ATP11B: variants seen among roughly 807,000 people sequenced by gnomAD.
ATP11B encodes ATPase phospholipid transporting 11B (putative).
In ATP11B, 81 loss-of-function variants were observed where a neutral mutation model predicts 157.8. The observed-to-expected ratio is 0.51, with a 90% confidence interval of 0.43 to 0.62. ATP11B has a LOEUF of 0.62. Among genes scored for constraint, ATP11B ranks in the 20% least tolerant of loss-of-function variants. The probability of loss-of-function intolerance (pLI) is 0.00; values close to 1 mark genes in which losing one functional copy is unlikely to be tolerated. For missense variants in ATP11B, 1,165 were observed against 1,402.2 expected (o/e 0.83, Z 2.70); for synonymous variants, 451 against 469.4 (o/e 0.96, Z 0.51).
intron 21 of ATP11B, among the ~76,000 whole-genome samples, chr3:182,883,261 C>G (rs1308199977): frequency 1.4e-5 from 2 of 144,934 alleles, no homozygotes; most frequent in Non-Finnish European, 3.1e-5. Flanking sequence ...TAAAACAATC[C>G]TTTTTTTTTT....
intron 2 of ATP11B, among the ~76,000 whole-genome samples, chr3:182,825,827 GA>G (rs1326248202): frequency 1.3e-5 from 2 of 152,104 alleles, no homozygotes; most frequent in Non-Finnish European, 2.9e-5. Flanking sequence ...TTGAACTCAG[GA>G]GGCGGAGGTT....
chr3:182,913,982 C>A lies in ATP11B; in HGVS notation c.3440C>A (p.Thr1147Asn). The A allele has an allele frequency of 6.2e-7, 1 of 1,614,016 alleles. No homozygotes were observed. The highest frequency in any genetic ancestry group is 1.1e-5 in the South Asian group (1 of 91,090). Residue 1147 changes from threonine to asparagine, a missense_variant, in exon 29 of 30, where the codon ACC becomes AAC. Physicochemically the swap from Thr to Asn is moderately conservative, Grantham distance 65 (BLOSUM62 0). Around this residue, in one of 4 missense-constraint regions of ATP11B, gnomAD observed 303 missense variants for 296.3 expected, o/e 1.02. Coordinates refer to ENST00000323116, the MANE Select transcript of ATP11B (RefSeq NM_014616.3). ...LERVIGRCSP[T>N]HISRSWSASD... ...CGAGTTATAGGAAGATGTAGTCCAA[C>A]CCACATCAGCAGGTGTGAAATCTCT...
chr3:182,873,268 A>G (rs1192447929), intron 18 of ATP11B, among the ~76,000 whole-genome samples: 2 of 152,130 alleles, frequency 1.3e-5, no homozygotes, highest in Non-Finnish European at 2.9e-5. Context: ...TCTGCAGATT[A>G]AGTTTGTTGT....
At chr3:182,892,229 G>A (rs938638166) in intron 25 of ATP11B, among the ~76,000 whole-genome samples, 5 of 152,114 alleles carry the variant, frequency 3.3e-5, no homozygotes, top group Admixed American at 2.6e-4. Flanking sequence ...CCTATTCTTC[G>A]CAGTTGAGCC....
Position 182,827,607 on chromosome 3 carries a change from G to A in ATP11B, c.145-513G>A, listed in dbSNP as rs975360726. 1.6e-4 allele frequency among the ~76,000 whole-genome samples: 24 copies of A among 151,326 alleles called. No individual in the cohort carries two copies. In the East Asian group the frequency reaches 3.9e-3, roughly 24 times the overall value. On this transcript the variant is annotated intron_variant, in intron 2 of 29. Coordinates refer to ENST00000323116, the MANE Select transcript of ATP11B (RefSeq NM_014616.3). Reference sequence around the variant, plus strand: ...ATGAAATTTTCTTGGTGGTTATCGCGGCGATCACTTATCTAAAGCATTTCT... The same window carrying A: ...ATGAAATTTTCTTGGTGGTTATCGCAGCGATCACTTATCTAAAGCATTTCT...
intron 23 of ATP11B, 44 bp from the exon 24 acceptor site, chr3:182,887,542 G>T: frequency 6.4e-7 from 1 of 1,569,452 alleles, no homozygotes; most frequent in Non-Finnish European, 8.6e-7. Context: ...TAATAGTAAT[G>T]CATAATTCAG....
At chr3:182,905,996 A>G (rs1421621288) in intron 28 of ATP11B, 1 of 372,844 alleles carries the variant, frequency 2.7e-6, no homozygotes, top group African/African-American at 2.1e-5. Context: ...GGGACACCTG[A>G]CCTGACATTT....
chr3:182,837,981 T>TA (rs1718682924), intron 7 of ATP11B, among the ~76,000 whole-genome samples: 1 of 152,118 alleles, frequency 6.6e-6, no homozygotes, highest in Non-Finnish European at 1.5e-5. Context: ...TGGTAGACTA[T>TA]AAATTACAGC....
At position 182,884,882 on chromosome 3, in the gene ATP11B, A is replaced by T; in HGVS notation, c.2639A>T (p.Gln880Leu). The T allele has an allele frequency of 6.9e-7, 1 of 1,448,600 alleles. No individual in the cohort carries two copies. Among genetic ancestry groups the T allele is most frequent in the Non-Finnish European group, 9.4e-7 (1 of 1,066,550 alleles). The allele number at this position is 1,448,600 out of a possible 1,614,324, so 89.7% of individuals were successfully genotyped here. The change falls in exon 22 of 30, where the codon CAG (glutamine) becomes CTG (leucine). Residue 880 changes from glutamine to leucine, a missense_variant. Physicochemically the swap from Gln to Leu is moderately radical, Grantham distance 113. Around this residue, in one of 4 missense-constraint regions of ATP11B, gnomAD observed 737 missense variants for 930.5 expected, o/e 0.79. Coordinates refer to ENST00000323116, the MANE Select transcript of ATP11B (RefSeq NM_014616.3). ...FYYIRIATLV[Q>L]YFFYKNVCFI... ...TATATTAGAATAGCTACCCTTGTAC[A>T]GTATTTTTTTTATAAGGTGAGTTTC...
intron 17 of ATP11B, among the ~76,000 whole-genome samples, chr3:182,871,864 G>T (rs1362578541): frequency 6.6e-6 from 1 of 151,446 alleles, no homozygotes; most frequent in African/African-American, 2.4e-5. Context: ...CGCCCAGGCT[G>T]GAGTGCAGTG....
chr3:182,818,236 G>A (rs1717086335), intron 1 of ATP11B, among the ~76,000 whole-genome samples: 1 of 152,150 alleles, frequency 6.6e-6, no homozygotes, highest in African/African-American at 2.4e-5. Context: ...CCTGTTTATA[G>A]GTAAACTTCC....
At chr3:182,890,488 G>A (rs1723103576) in intron 25 of ATP11B, among the ~76,000 whole-genome samples, 1 of 152,118 alleles carries the variant, frequency 6.6e-6, no homozygotes, top group Admixed American at 6.5e-5. Context: ...AAAGGATACA[G>A]AAAATGAGCA....
At chr3:182,806,968 C>T (rs1177237276) in intron 1 of ATP11B, among the ~76,000 whole-genome samples, 1 of 151,966 alleles carries the variant, frequency 6.6e-6, no homozygotes, top group African/African-American at 2.4e-5. Flanking sequence ...TATTTCCACA[C>T]TGAGAGTCCC....
intron 1 of ATP11B, among the ~76,000 whole-genome samples, chr3:182,809,319 G>A (rs756171137): frequency 2.0e-5 from 3 of 151,762 alleles, no homozygotes; most frequent in Non-Finnish European, 2.9e-5. Flanking sequence ...TGCCATCTCC[G>A]CCTACTGCAA....
chr3:182,795,840 A>C (rs1560048719), intron 1 of ATP11B, among the ~76,000 whole-genome samples: 1 of 152,236 alleles, frequency 6.6e-6, no homozygotes, highest in Non-Finnish European at 1.5e-5. Flanking sequence ...GCTAGTTTAG[A>C]TTATACTTCC....
At chr3:182,849,538 T>A (rs1044919565) in intron 10 of ATP11B, among the ~76,000 whole-genome samples, 1 of 152,162 alleles carries the variant, frequency 6.6e-6, no homozygotes, top group Non-Finnish European at 1.5e-5. Flanking sequence ...TTTAAGGGCC[T>A]AAAGGAAAAT....
intron 7 of ATP11B, among the ~76,000 whole-genome samples, chr3:182,839,600 A>T (rs1333598165): frequency 2.5e-5 from 1 of 39,284 alleles, no homozygotes; most frequent in Non-Finnish European, 7.1e-5. Context: ...TCCATTTTTT[A>T]AATATTTATT....
intron 2 of ATP11B, among the ~76,000 whole-genome samples, chr3:182,822,852 A>G (rs888933673): frequency 2.0e-5 from 3 of 152,090 alleles, no homozygotes; most frequent in African/African-American, 4.8e-5. Flanking sequence ...TTTGATTTGC[A>G]TTTCTCTGAT....
At chr3:182,900,245 A>G (rs924391544) in intron 28 of ATP11B, among the ~76,000 whole-genome samples, 2 of 152,206 alleles carry the variant, frequency 1.3e-5, no homozygotes, top group Admixed American at 1.3e-4. Context: ...TATTGTTTCA[A>G]CAGTTCATAT....
Sources: allele counts gnomAD v4.1 joint callset (sites outside exome capture counted in the v4.1 genomes callset), GRCh38; gene constraint gnomAD v4.1.1; regional missense constraint gnomAD v4.1.1; transcripts MANE v1.5; gene names NCBI Gene and HGNC (gene_info 2026-07-23, HGNC 2026-07-21).